The following TMEM154 variants were observed in gnomAD, a reference collection of about 807,000 sequenced individuals.
TMEM154 encodes the protein transmembrane protein 154.
In TMEM154, 27 loss-of-function variants were observed where a neutral mutation model predicts 24.5. The observed-to-expected ratio is 1.10, with a 90% CI of 0.81 to 1.52. TMEM154 has a LOEUF of 1.52. TMEM154 is among the 40% of genes most tolerant of loss of function. The pLI is 0.00. For missense variants in TMEM154, 228 were observed against 213.4 expected, an observed-to-expected ratio of 1.07 and a Z score of -0.43; for synonymous variants, 67 against 76.8, an observed-to-expected ratio of 0.87 and a Z score of 0.67.
intron 1 of TMEM154, among the ~76,000 whole-genome samples, chr4:152,660,697 T>C (rs1191577132): frequency 1.3e-5 from 2 of 152,146 alleles, no homozygotes; most frequent in African/African-American, 4.8e-5. Context: ...TTGCAAATCA[T>C]AAAGTTTGGC....
intron 1 of TMEM154, among the ~76,000 whole-genome samples, chr4:152,665,546 A>T (rs1488192605): frequency 1.3e-5 from 2 of 152,174 alleles, no homozygotes; most frequent in Non-Finnish European, 2.9e-5. Context: ...TGTGACAATC[A>T]CACCTTCCTG....
rs571844387 is a variant in TMEM154, at chr4:152,624,926, G to A, written c.*3620C>T. ...TGTCTCTGAATGTGAAAAGTCACAT[G>A]CGTTAATTTAATTCAGTATAAAATT... On this transcript the variant is annotated 3_prime_UTR_variant, in exon 7 of 7. Transcript: ENST00000304385. 173 of 152,296 alleles carry A rather than the reference G, an allele frequency of 1.1e-3. No individual in the cohort carries two copies. Among genetic ancestry groups the A allele is most frequent in the African/African-American group, 3.9e-3 (162 of 41,560 alleles). The allele number at this position is 152,296 out of a possible 1,614,324, so 9.4% of individuals were successfully genotyped here. A position where few individuals can be genotyped will look rare whatever the true frequency, so the allele number is the denominator to read the frequency against.
chr4:152,661,835 C>A (rs1178480028), intron 1 of TMEM154, among the ~76,000 whole-genome samples: 2 of 152,186 alleles, frequency 1.3e-5, no homozygotes, highest in Admixed American at 6.5e-5. Flanking sequence ...CCACCCTTTC[C>A]CCAAGTTACT....
At chr4:152,631,887 C>A (rs1752052120) in intron 6 of TMEM154, among the ~76,000 whole-genome samples, 1 of 147,754 alleles carries the variant, frequency 6.8e-6, no homozygotes, top group Admixed American at 6.8e-5. Context: ...TTGCTGCAAG[C>A]TCCACCTCCC....
At chr4:152,657,782 C>T (rs1360530257) in intron 1 of TMEM154, among the ~76,000 whole-genome samples, 1 of 152,158 alleles carries the variant, frequency 6.6e-6, no homozygotes, top group African/African-American at 2.4e-5. Context: ...AGAAATCTTA[C>T]AGGCCAGGAG....
intron 6 of TMEM154, among the ~76,000 whole-genome samples, chr4:152,636,722 T>A (rs1752155322): frequency 6.6e-6 from 1 of 152,242 alleles, no homozygotes; most frequent in Admixed American, 6.5e-5. Context: ...GGTTATCAGA[T>A]TGACTCCCTT....
intron 3 of TMEM154, among the ~76,000 whole-genome samples, chr4:152,652,175 A>C (rs1487326484): frequency 6.6e-6 from 1 of 152,184 alleles, no homozygotes; most frequent in African/African-American, 2.4e-5. Context: ...GAGAATTATC[A>C]AAATGTAATG....
chr4:152,674,947 G>A (rs1728920348), intron 1 of TMEM154, among the ~76,000 whole-genome samples: 1 of 151,874 alleles, frequency 6.6e-6, no homozygotes. Flanking sequence ...CCTGAAGTCA[G>A]GAGTTCAAGA....
At chr4:152,649,351 G>A (rs944427963) in intron 3 of TMEM154, among the ~76,000 whole-genome samples, 6 of 152,238 alleles carry the variant, frequency 3.9e-5, no homozygotes, top group Non-Finnish European at 1.5e-5. Flanking sequence ...GTCTGCTTTA[G>A]ACCTAGAACT....
intron 3 of TMEM154, among the ~76,000 whole-genome samples, chr4:152,647,731 G>T (rs1728288367): frequency 6.6e-6 from 1 of 152,190 alleles, no homozygotes; most frequent in Admixed American, 6.5e-5. Flanking sequence ...GTTGAGTTAG[G>T]TAAAGGGATG....
At chr4:152,647,015 A>G (rs752099654) in intron 3 of TMEM154, 1 of 727,026 alleles carries the variant, frequency 1.4e-6, no homozygotes, top group East Asian at 2.7e-5. Context: ...AGAGCAGAAC[A>G]TCACGTTACT....
chr4:152,663,400 G>C lies in TMEM154; in HGVS notation c.65-10473C>G, dbSNP rs542427256. On this transcript the variant is annotated intron_variant, in intron 1 of 6. Coordinates refer to ENST00000304385, the MANE Select transcript of TMEM154 (RefSeq NM_152680.3). ...GACACAGGGTTAGAGGGCAAAGAGA[G>C]AGGCATTAACAAGCAAAAGAATAGA... Among the ~76,000 whole-genome samples, 5 of 152,344 alleles carry C rather than the reference G, an allele frequency of 3.3e-5. No homozygotes were observed. The South Asian group carries it at 1.0e-3, about 32-fold the overall frequency.
At chr4:152,633,271 C>T (rs1289249323) in intron 6 of TMEM154, among the ~76,000 whole-genome samples, 1 of 152,332 alleles carries the variant, frequency 6.6e-6, no homozygotes, top group African/African-American at 2.4e-5. Flanking sequence ...CTAGTTGCCT[C>T]GCCTGTGGGA....
At position 152,638,968 on chromosome 4, in the gene TMEM154, CAG is replaced by C. The variant is rs541943306; in HGVS notation, c.536+1958_536+1959del. ...AAAATCTGACTTTTTTTTTTTGAAA[CAG>C]AATTTCTTTCACTCTTGTTGCCTAG... On this transcript the variant is annotated intron_variant, in intron 6 of 6. Coordinates refer to ENST00000304385, the MANE Select transcript of TMEM154 (RefSeq NM_152680.3). 8.6e-5 allele frequency among the ~76,000 whole-genome samples: 13 copies of C among 151,240 alleles called. No homozygotes were observed. In the East Asian group the frequency reaches 2.3e-3, roughly 27 times the overall value.
At chr4:152,632,871 C>T (rs917091287) in intron 6 of TMEM154, among the ~76,000 whole-genome samples, 4 of 152,138 alleles carry the variant, frequency 2.6e-5, no homozygotes, top group African/African-American at 9.7e-5. Context: ...TCTCATCTCA[C>T]CTGCAAAACA....
At chr4:152,678,585 G>GTAGA (rs1190128744) in intron 1 of TMEM154, among the ~76,000 whole-genome samples, 1 of 152,088 alleles carries the variant, frequency 6.6e-6, no homozygotes, top group Non-Finnish European at 1.5e-5. Context: ...GAACTCTGGA[G>GTAGA]TAGAAGCCAG....
intron 1 of TMEM154, among the ~76,000 whole-genome samples, chr4:152,655,277 C>A (rs575741033): frequency 1.3e-5 from 2 of 152,310 alleles, no homozygotes; most frequent in East Asian, 3.9e-4. Flanking sequence ...GGAGAAGCTC[C>A]CCAATGTGGG....
intron 1 of TMEM154, among the ~76,000 whole-genome samples, chr4:152,654,000 T>C (rs568365994): frequency 3.1e-4 from 47 of 151,446 alleles, no homozygotes; most frequent in Middle Eastern, 3.4e-3. Context: ...GATCGCGCCA[T>C]TGCACTTCAG....
At chr4:152,672,064 A>T (rs1728851818) in intron 1 of TMEM154, among the ~76,000 whole-genome samples, 1 of 144,350 alleles carries the variant, frequency 6.9e-6, no homozygotes, top group Non-Finnish European at 1.5e-5. Flanking sequence ...AGGCCAGCTG[A>T]GCAACATACA....
Sources: gnomAD v4.1 joint callset for allele counts (sites outside exome capture counted in the v4.1 genomes callset) on GRCh38, gnomAD v4.1.1 for gene constraint, MANE v1.5 for transcripts, NCBI Gene and HGNC (gene_info 2026-07-23, HGNC 2026-07-21) for gene names.